The following COL11A2 variants were observed in gnomAD, a reference collection of about 807,000 sequenced individuals.
COL11A2 encodes collagen type XI alpha 2 chain, also known as collagen alpha-2(XI) chain.
A neutral mutation model predicts 273.4 loss-of-function variants in COL11A2; 116 were observed. The ratio of observed to expected loss-of-function variants is 0.42; its 90% CI spans 0.36 to 0.49. The LOEUF (loss-of-function observed/expected upper bound fraction) is 0.49, where lower values mean the gene tolerates loss of function less well. COL11A2 is among the 20% of genes least tolerant of loss of function. The pLI, the probability that COL11A2 is intolerant of heterozygous loss-of-function variation, is 0.00. For missense variants in COL11A2, 1,866 were observed against 2,309.0 expected, an observed-to-expected ratio of 0.81 and a Z score of 3.93; for synonymous variants, 782 against 864.2, an observed-to-expected ratio of 0.90 and a Z score of 1.67.
chr6:33,175,352 C>T (rs1439253329), intron 30 of COL11A2: 11 of 680,004 alleles, frequency 1.6e-5, no homozygotes, highest in East Asian at 1.1e-4. Context: ...CTCTAAGCTT[C>T]GTCTCCGTCC....
At chr6:33,185,898 A>C (rs1210785282) in intron 5 of COL11A2, 120 bp from the exon 6 acceptor site, 1 of 415,566 alleles carries the variant, frequency 2.4e-6, no homozygotes, top group African/African-American at 2.0e-5. Context: ...GGAGGTGTGG[A>C]GTTGGGAAAC....
chr6:33,192,394 G>T lies in COL11A2; in HGVS notation c.-154C>A. On this transcript the variant is annotated 5_prime_UTR_variant, in exon 1 of 66. Transcript: ENST00000341947. Reference sequence around the variant, plus strand: ...CTGCGGGCAGCGACAGCTGTCAGCGGCCCAGCTCCATGCAGCAAGGCGCCG... The same window carrying T: ...CTGCGGGCAGCGACAGCTGTCAGCGTCCCAGCTCCATGCAGCAAGGCGCCG... The T allele has an allele frequency of 2.7e-6, 2 of 751,476 alleles. No individual in the cohort carries two copies. The allele number at this position is 751,476 out of a possible 1,614,324, so 46.6% of individuals were successfully genotyped here. A position where few individuals can be genotyped will look rare whatever the true frequency, so the allele number is the denominator to read the frequency against.
In COL11A2 at chr6:33,177,598, A is replaced by T. The variant is rs377698828; in HGVS notation, c.1917+64T>A. 2.2e-3 allele frequency: 3,562 copies of T among 1,599,508 alleles called. 93 individuals carry two copies. The South Asian group carries it at 0.033, about 15-fold the overall frequency. ...CAGGCAGGGGTCAAAATGGCGGCCAACAGGATGCTGGCAGGGACCTCGGGG... is the reference window on the plus strand; with the variant it reads ...CAGGCAGGGGTCAAAATGGCGGCCATCAGGATGCTGGCAGGGACCTCGGGG... On this transcript the variant is annotated intron_variant, in intron 22 of 65. Transcript: ENST00000341947. This position sits in a 1 kb window ranked among gnomAD's most constrained non-coding sequence, Gnocchi z 5.9.
chr6:33,167,558 C>T lies in COL11A2; in HGVS notation c.4015-25G>A. On this transcript the variant is annotated intron_variant, in intron 55 of 65. Transcript: ENST00000341947. The surrounding 1 kb of genome is among the most constrained non-coding windows in gnomAD (Gnocchi z 6.1). ...CCTGAAACACACACAAGGAATGTGTCCTGAATGGCAGAGGAGTGGGGTGTG... is the reference window on the plus strand; with the variant it reads ...CCTGAAACACACACAAGGAATGTGTTCTGAATGGCAGAGGAGTGGGGTGTG... 1 of 1,608,676 alleles carries T rather than the reference C, an allele frequency of 6.2e-7. No individual in the cohort carries two copies. The highest frequency in any genetic ancestry group is 1.1e-5 in the South Asian group (1 of 90,794).
In COL11A2 at chr6:33,173,312, G is replaced by T. The variant is rs372891945; in HGVS notation, c.2736+36C>A. 6.6e-5 allele frequency: 106 copies of T among 1,608,608 alleles called. No individual in the cohort carries two copies. Among genetic ancestry groups the T allele is most frequent in the Non-Finnish European group, 8.8e-5 (104 of 1,178,590 alleles). On this transcript the variant is annotated intron_variant, in intron 37 of 65. Transcript: ENST00000341947. The surrounding 1 kb of genome is among the most constrained non-coding windows in gnomAD (Gnocchi z 6.3). Reference sequence around the variant, plus strand: ...CTCTGGGGTTAAAGGGTCTGATGGAGCCCCCTGAGAATGGGTAGCCAGGAG... The same window carrying T: ...CTCTGGGGTTAAAGGGTCTGATGGATCCCCCTGAGAATGGGTAGCCAGGAG...
In COL11A2 at chr6:33,192,358, G is replaced by A. The variant is rs771369848; in HGVS notation, c.-118C>T. On this transcript the variant is annotated 5_prime_UTR_variant, in exon 1 of 66. Coordinates refer to ENST00000341947, the MANE Select transcript of COL11A2 (RefSeq NM_080680.3). ...GAGCCTCAGACGCCGGGGTCCCAGGGAGGTCAGAGGCTGCGGGCAGCGACA... is the reference window on the plus strand; with the variant it reads ...GAGCCTCAGACGCCGGGGTCCCAGGAAGGTCAGAGGCTGCGGGCAGCGACA... 1.7e-5 allele frequency: 17 copies of A among 1,017,518 alleles called. No homozygotes were observed. Among genetic ancestry groups the A allele is most frequent in the Non-Finnish European group, 2.2e-5 (15 of 674,038 alleles). The allele number at this position is 1,017,518 out of a possible 1,614,324, so 63.0% of individuals were successfully genotyped here.
chr6:33,171,205 G>A, intron 44 of COL11A2, 38 bp from the exon 45 acceptor site: 1 of 1,613,438 alleles, frequency 6.2e-7, no homozygotes, highest in Non-Finnish European at 8.5e-7. Flanking sequence ...CCAAAACAGG[G>A]AGAGAGATCA....
chr6:33,179,898 C>T lies in COL11A2; in HGVS notation c.1360-93G>A. 8.2e-7 allele frequency: 1 copy of T among 1,221,240 alleles called. No individual in the cohort carries two copies. The highest frequency in any genetic ancestry group is 1.2e-5 in the South Asian group (1 of 82,488). The allele number at this position is 1,221,240 out of a possible 1,614,324, so 75.7% of individuals were successfully genotyped here. A position where few individuals can be genotyped will look rare whatever the true frequency, so the allele number is the denominator to read the frequency against. Reference sequence around the variant, plus strand: ...TTTCTCCAGCGTTTCTGCCCCTTGCCCCAGGTTCTGCCCATCCAGCATTTC... The same window carrying T: ...TTTCTCCAGCGTTTCTGCCCCTTGCTCCAGGTTCTGCCCATCCAGCATTTC... On this transcript the variant is annotated intron_variant, in intron 12 of 65. Coordinates refer to ENST00000341947, the MANE Select transcript of COL11A2 (RefSeq NM_080680.3). The surrounding 1 kb of genome is among the most constrained non-coding windows in gnomAD (Gnocchi z 6.4).
rs571243041 is a variant in COL11A2, at chr6:33,179,647, G to A, written c.1446+72C>T. 1.8e-4 allele frequency: 287 copies of A among 1,563,906 alleles called. No homozygotes were observed. In the African/African-American group the frequency reaches 2.2e-3, roughly 12 times the overall value. On this transcript the variant is annotated intron_variant, in intron 13 of 65. Coordinates refer to ENST00000341947, the MANE Select transcript of COL11A2 (RefSeq NM_080680.3). This position sits in a 1 kb window ranked among gnomAD's most constrained non-coding sequence, Gnocchi z 6.4. ...CAAACCAACCCAGGCCTCCCCTGCCGCACACTCACTCCAGCCAACCCTTCC... is the reference window on the plus strand; with the variant it reads ...CAAACCAACCCAGGCCTCCCCTGCCACACACTCACTCCAGCCAACCCTTCC...
At chr6:33,185,087 C>A in intron 6 of COL11A2, 33 bp from the exon 7 acceptor site, 1 of 1,502,504 alleles carries the variant, frequency 6.7e-7, no homozygotes, top group Non-Finnish European at 9.1e-7. Flanking sequence ...AAGAGTAGCA[C>A]GGGGTGGGAA....
chr6:33,176,126 G>A lies in COL11A2; in HGVS notation c.2215-57C>T. On this transcript the variant is annotated intron_variant, in intron 28 of 65. Coordinates refer to ENST00000341947, the MANE Select transcript of COL11A2 (RefSeq NM_080680.3). This position sits in a 1 kb window ranked among gnomAD's most constrained non-coding sequence, Gnocchi z 4.9. Reference sequence around the variant, plus strand: ...GATGACAGAGGGCTGGGGTTCTAATGGGAATTCTGAGAACATAGGTGGAAG... The same window carrying A: ...GATGACAGAGGGCTGGGGTTCTAATAGGAATTCTGAGAACATAGGTGGAAG... 1.2e-6 allele frequency: 2 copies of A among 1,610,630 alleles called. No homozygotes were observed. The highest frequency in any genetic ancestry group is 2.2e-5 in the East Asian group (1 of 44,866).
In COL11A2 at chr6:33,164,476, G is replaced by A; in HGVS notation, c.4864-3C>T. On this transcript the variant is annotated splice_region_variant and splice_polypyrimidine_tract_variant and intron_variant, in intron 64 of 65. Transcript: ENST00000341947. This position sits in a 1 kb window ranked among gnomAD's most constrained non-coding sequence, Gnocchi z 4.7. ...CCCTCTGAGTCCACGTAAGAGAACT[G>A]GAAGGAGAGAGAGGGCTGGCCTCAG... 6.5e-7 allele frequency: 1 copy of A among 1,537,628 alleles called. No individual in the cohort carries two copies. The highest frequency in any genetic ancestry group is 1.2e-5 in the South Asian group (1 of 82,778).
Position 33,170,292 on chromosome 6 carries a change from T to C in COL11A2, c.3582+34A>G, listed in dbSNP as rs376918944. 1,210 of 1,609,050 alleles carry C rather than the reference T, an allele frequency of 7.5e-4. 135 individuals carry two copies. Among genetic ancestry groups the C allele is most frequent in the South Asian group, 4.6e-3 (419 of 90,510 alleles). The stretch of plus-strand genomic sequence containing the variant: ...AAAGGGAGGCAGAAGACCAGACACA[T>C]TGGTCTCAAGGGACAGGGGCTGAGA... On this transcript the variant is annotated intron_variant, in intron 48 of 65. Transcript: ENST00000341947. This position sits in a 1 kb window ranked among gnomAD's most constrained non-coding sequence, Gnocchi z 4.3.
Position 33,188,396 on chromosome 6 carries a change from A to C in COL11A2, c.572T>G (p.Phe191Cys). ...PVLDTHGVII[F>C]GARILDEEVF... ...TTCTTCATCCAGAATACGGGCACCA[A>C]AGATGATCACTCCATGGGTGTCCAA... is the stretch of plus-strand genomic sequence containing the variant. Residue 191 changes from phenylalanine to cysteine, a missense_variant, in exon 4 of 66, where the codon TTT (phenylalanine) becomes TGT (cysteine). Phe to Cys is a radical substitution (Grantham distance 205). Coordinates refer to ENST00000341947, the MANE Select transcript of COL11A2 (RefSeq NM_080680.3). 14 of 1,613,088 alleles carry C rather than the reference A, an allele frequency of 8.7e-6. No individual in the cohort carries two copies. The highest frequency in any genetic ancestry group is 1.2e-5 in the Non-Finnish European group (14 of 1,180,032).
In COL11A2 at chr6:33,165,418, C is replaced by T; in HGVS notation, c.4750+131G>A. 2.2e-6 allele frequency: 3 copies of T among 1,374,628 alleles called. No homozygotes were observed. Among genetic ancestry groups the T allele is most frequent in the Non-Finnish European group, 2.0e-6 (2 of 981,358 alleles). The allele number at this position is 1,374,628 out of a possible 1,614,324, so 85.2% of individuals were successfully genotyped here. On this transcript the variant is annotated intron_variant, in intron 63 of 65. Coordinates refer to ENST00000341947, the MANE Select transcript of COL11A2 (RefSeq NM_080680.3). This position sits in a 1 kb window ranked among gnomAD's most constrained non-coding sequence, Gnocchi z 7.7. ...TACTTCTGACCTGGTTAGTAAATAG[C>T]TGCAGTTCCCAGCCCCTCAGCCCTC...
In COL11A2 at chr6:33,173,351, T is replaced by C. The variant is rs1259027575; in HGVS notation, c.2733A>G (p.Glu911=). ...GLPGHPGQRG[E]VGFQGKTGPP... ...GGTAGCCAGGAGCATCACTCACCAC[T>C]TCTCCTCTTTGGCCTGGGTGTCCCG... Residue 911 remains glutamate, a synonymous_variant, in exon 37 of 66, where the codon GAA becomes GAG. Coordinates refer to ENST00000341947, the MANE Select transcript of COL11A2 (RefSeq NM_080680.3). The surrounding 1 kb of genome is among the most constrained non-coding windows in gnomAD (Gnocchi z 6.3). The C allele has an allele frequency of 3.7e-6, 6 of 1,612,228 alleles. No individual in the cohort carries two copies. Among genetic ancestry groups the C allele is most frequent in the Non-Finnish European group, 5.1e-6 (6 of 1,179,878 alleles).
At chr6:33,174,784 T>C (rs1401392539) in intron 30 of COL11A2, among the ~76,000 whole-genome samples, 1 of 152,000 alleles carries the variant, frequency 6.6e-6, no homozygotes, top group East Asian at 1.9e-4. Flanking sequence ...TCCCCAATTC[T>C]AGTGCTGGGA....
Position 33,177,756 on chromosome 6 carries a change from T to C in COL11A2, c.1873-50A>G. ...AGCCTGAAGGTGGCCCGGAGGGACC[T>C]GTGGTTTTCAGAGGCCCGGCCATTC... On this transcript the variant is annotated intron_variant, in intron 21 of 65. Coordinates refer to ENST00000341947, the MANE Select transcript of COL11A2 (RefSeq NM_080680.3). The surrounding 1 kb of genome is among the most constrained non-coding windows in gnomAD (Gnocchi z 5.9). 1.2e-6 allele frequency: 2 copies of C among 1,608,248 alleles called. No homozygotes were observed. Among genetic ancestry groups the C allele is most frequent in the Non-Finnish European group, 1.7e-6 (2 of 1,176,122 alleles).
chr6:33,164,191 C>T lies in COL11A2; in HGVS notation c.5070+76G>A. On this transcript the variant is annotated intron_variant, in intron 65 of 65. Transcript: ENST00000341947. The surrounding 1 kb of genome is among the most constrained non-coding windows in gnomAD (Gnocchi z 4.7). ...CTCCCTGCTCCCCCTGGGTGCCCTG[C>T]CCAAGGGGTCTTCCCACCTCCTTCC... The T allele has an allele frequency of 6.5e-7, 1 of 1,547,148 alleles. No individual in the cohort carries two copies. Among genetic ancestry groups the T allele is most frequent in the South Asian group, 1.2e-5 (1 of 83,806 alleles).
Sources: gnomAD v4.1 joint callset for allele counts (sites outside exome capture counted in the v4.1 genomes callset) on GRCh38, gnomAD v4.1.1 for gene constraint, Gnocchi (gnomAD v3.1) non-coding constraint, MANE v1.5 for transcripts, NCBI Gene and HGNC (gene_info 2026-07-23, HGNC 2026-07-21) for gene names.